GLIS1: variants seen among roughly 807,000 people sequenced by gnomAD.
GLIS1 encodes the protein zinc finger protein GLIS1.
Under a neutral mutation model 63.8 loss-of-function variants are expected in GLIS1, and 24 were observed. The observed-to-expected ratio is 0.38, with a 90% CI of 0.27 to 0.53. GLIS1 has a LOEUF of 0.53. GLIS1 is among the 20% of genes least tolerant of loss of function. GLIS1 has a pLI of 0.85. For synonymous variants in GLIS1, 450 were observed against 482.5 expected (o/e 0.93, Z 0.88); for missense variants, 1,036 against 1,074.1 (o/e 0.96, Z 0.50).
At chr1:53,631,440 T>C (rs1169557272) in intron 2 of GLIS1, among the ~76,000 whole-genome samples, 1 of 152,186 alleles carries the variant, frequency 6.6e-6, no homozygotes, top group African/African-American at 2.4e-5. Flanking sequence ...ATAATAATCA[T>C]AAATATCACA....
At chr1:53,542,979 T>C (rs1002839624) in intron 4 of GLIS1, among the ~76,000 whole-genome samples, 5 of 152,158 alleles carry the variant, frequency 3.3e-5, no homozygotes, top group Admixed American at 3.3e-4. Context: ...CAGGTGTCAA[T>C]GTGATAAATG....
intron 4 of GLIS1, among the ~76,000 whole-genome samples, chr1:53,554,935 G>A (rs1193911553): frequency 6.6e-6 from 1 of 152,220 alleles, no homozygotes; most frequent in Non-Finnish European, 1.5e-5. Context: ...AAAGGAAAGG[G>A]CCTCACAGGT....
At chr1:53,515,619 A>T (rs190032063) in intron 7 of GLIS1, among the ~76,000 whole-genome samples, 54 of 152,150 alleles carry the variant, frequency 3.5e-4, no homozygotes, top group African/African-American at 1.3e-3. Context: ...AGGCTAATAA[A>T]TCAATGGGGG....
intron 2 of GLIS1, among the ~76,000 whole-genome samples, chr1:53,711,553 CG>C (rs779071802): frequency 3.3e-5 from 5 of 152,130 alleles, no homozygotes; most frequent in African/African-American, 1.2e-4. Flanking sequence ...GCTCGGGCCC[CG>C]GGGTCCGCCA....
intron 2 of GLIS1, among the ~76,000 whole-genome samples, chr1:53,642,651 C>T (rs1645800382): frequency 6.6e-6 from 1 of 152,210 alleles, no homozygotes; most frequent in Admixed American, 6.5e-5. Flanking sequence ...GTAGGACTTG[C>T]CTTCCAGCCT....
chr1:53,607,621 G>A lies in GLIS1; in HGVS notation c.260-7343C>T, dbSNP rs534802425. Among the ~76,000 whole-genome samples the A allele has an allele frequency of 3.3e-5, 5 of 152,318 alleles. No individual in the cohort carries two copies. In the East Asian group the frequency reaches 9.6e-4, roughly 29 times the overall value. On this transcript the variant is annotated intron_variant, in intron 2 of 10. Coordinates refer to ENST00000628545, the MANE Select transcript of GLIS1 (RefSeq NM_001367484.1). ...AGCTGTGAAATGGGACAGTCAGGATGCAAGGCCAGCTCTATTAGACTTGGA... is the reference window on the plus strand; with the variant it reads ...AGCTGTGAAATGGGACAGTCAGGATACAAGGCCAGCTCTATTAGACTTGGA...
At chr1:53,613,234 C>T (rs1557481223) in intron 2 of GLIS1, among the ~76,000 whole-genome samples, 1 of 152,194 alleles carries the variant, frequency 6.6e-6, no homozygotes, top group Non-Finnish European at 1.5e-5. Flanking sequence ...TTTAATGACT[C>T]TATAGATTCC....
At position 53,668,814 on chromosome 1, in the gene GLIS1, A is replaced by C. The variant is rs565658483; in HGVS notation, c.260-68536T>G. ...CGTAAGTACACTCTGTGATATTCAGACAACAACAAAATCACCTACGACACG... is the reference window on the plus strand; with the variant it reads ...CGTAAGTACACTCTGTGATATTCAGCCAACAACAAAATCACCTACGACACG... On this transcript the variant is annotated intron_variant, in intron 2 of 10. Coordinates refer to ENST00000628545, the MANE Select transcript of GLIS1 (RefSeq NM_001367484.1). Among the ~76,000 whole-genome samples the C allele has an allele frequency of 8.5e-5, 13 of 152,278 alleles. 1 individual carries two copies. In the South Asian group the frequency reaches 1.5e-3, roughly 17 times the overall value.
At chr1:53,624,160 C>T (rs1645572081) in intron 2 of GLIS1, among the ~76,000 whole-genome samples, 1 of 152,144 alleles carries the variant, frequency 6.6e-6, no homozygotes, top group Non-Finnish European at 1.5e-5. Context: ...TACAAATCTA[C>T]AGTAATCAAG....
intron 2 of GLIS1, among the ~76,000 whole-genome samples, chr1:53,601,042 G>A (rs577700869): frequency 3.2e-5 from 4 of 123,552 alleles, no homozygotes; most frequent in South Asian, 3.4e-4. Context: ...TCTCATCTAC[G>A]GATGAGGGAT....
chr1:53,705,655 G>C (rs1243946148), intron 2 of GLIS1, among the ~76,000 whole-genome samples: 1 of 152,198 alleles, frequency 6.6e-6, no homozygotes, highest in African/African-American at 2.4e-5. Flanking sequence ...TTCTGGCTGT[G>C]CTCAGTCCTG....
At chr1:53,706,577 C>G (rs1173588) in intron 2 of GLIS1, among the ~76,000 whole-genome samples, 75,988 of 152,138 alleles carry the variant, frequency 0.5, 20,943 homozygotes, top group Non-Finnish European at 0.61. Context: ...AAGGCCCCAC[C>G]AGGGACCACT....
intron 2 of GLIS1, among the ~76,000 whole-genome samples, chr1:53,654,630 A>G (rs1157574457): frequency 6.6e-6 from 1 of 152,038 alleles, no homozygotes; most frequent in Non-Finnish European, 1.5e-5. Context: ...GGAGGGGGAA[A>G]CTCGGAGAGC....
chr1:53,718,417 G>A (rs947699202), intron 2 of GLIS1, among the ~76,000 whole-genome samples: 11 of 151,940 alleles, frequency 7.2e-5, no homozygotes, highest in African/African-American at 2.2e-4. Flanking sequence ...GGAGTATGGC[G>A]GCAAGCGGGG....
chr1:53,575,405 G>A (rs1645023638), intron 4 of GLIS1, among the ~76,000 whole-genome samples: 1 of 152,134 alleles, frequency 6.6e-6, no homozygotes, highest in Admixed American at 6.5e-5. Flanking sequence ...CATGCTCTGG[G>A]CCTCACACAA....
chr1:53,707,897 G>A (rs577103102), intron 2 of GLIS1, among the ~76,000 whole-genome samples: 2 of 151,928 alleles, frequency 1.3e-5, no homozygotes, highest in Admixed American at 6.6e-5. Flanking sequence ...GATGGCACTC[G>A]TGTACCCCTA....
At chr1:53,571,307 A>C (rs1430356287) in intron 4 of GLIS1, among the ~76,000 whole-genome samples, 1 of 152,226 alleles carries the variant, frequency 6.6e-6, no homozygotes, top group Non-Finnish European at 1.5e-5. Context: ...TATAAGCGGA[A>C]CAACCACTTT....
chr1:53,510,515 C>A (rs2280511), intron 8 of GLIS1, among the ~76,000 whole-genome samples: 1 of 151,988 alleles, frequency 6.6e-6, no homozygotes, highest in Non-Finnish European at 1.5e-5. Context: ...ATTCACTGAG[C>A]CCCTGACTTG....
At chr1:53,734,043 G>T in intron 2 of GLIS1, 1 of 984,308 alleles carries the variant, frequency 1.0e-6, no homozygotes, top group Non-Finnish European at 1.2e-6. Flanking sequence ...CCGAGTCCAT[G>T]CGCACAATCT....
Sources: allele counts gnomAD v4.1 joint callset (sites outside exome capture counted in the v4.1 genomes callset), GRCh38; gene constraint gnomAD v4.1.1; transcripts MANE v1.5; gene names NCBI Gene and HGNC (gene_info 2026-07-23, HGNC 2026-07-21).